Variants in SLCO1B3 observed in about 807,000 individuals in gnomAD.
SLCO1B3 encodes the protein liver-specific organic anion transporter 2.
Under a neutral mutation model 71.8 loss-of-function variants are expected in SLCO1B3, and 72 were observed. The ratio of observed to expected loss-of-function variants is 1.00; its 90% CI spans 0.83 to 1.22. The LOEUF is 1.22. Among genes scored for constraint, SLCO1B3 ranks in the 50% most tolerant of loss-of-function variants. SLCO1B3 has a pLI of 0.00. For synonymous variants in SLCO1B3, 298 were observed against 278.4 expected (o/e 1.07, Z -0.70); for missense variants, 911 against 819.7 (o/e 1.11, Z -1.36).
chr12:20,904,577 G>A (rs757728912), intron 15 of SLCO1B3, among the ~76,000 whole-genome samples: 12 of 151,908 alleles, frequency 7.9e-5, no homozygotes, highest in Non-Finnish European at 1.5e-4. Flanking sequence ...GCTGTTGGTA[G>A]ATCTACCATT....
rs1050997688 is a variant in SLCO1B3 at position 20,862,788 on chromosome 12, G to A, written c.661G>A (p.Val221Ile). The change falls in exon 8 of 16, where the codon GTC becomes ATC. Residue 221 changes from valine to isoleucine, a missense_variant. Transcript: ENST00000381545. ...SLNAIGMIGP[V>I]IGFALGSLFA... ...GAATGCAATAGGAATGATTGGTCCA[G>A]TCATTGGCTTTGCACTGGGATCTCT... 12 of 1,611,622 alleles carry A rather than the reference G, an allele frequency of 7.4e-6. No homozygotes were observed. In the South Asian group the frequency reaches 1.2e-4, roughly 16 times the overall value.
chr12:20,914,612 T>G (rs1349002106), intron 15 of SLCO1B3, among the ~76,000 whole-genome samples: 1 of 152,188 alleles, frequency 6.6e-6, no homozygotes, highest in African/African-American at 2.4e-5. Flanking sequence ...TCTGATATTC[T>G]TCCATCTTTA....
chr12:20,878,918 T>C (rs996286963), intron 10 of SLCO1B3, among the ~76,000 whole-genome samples: 2 of 151,956 alleles, frequency 1.3e-5, no homozygotes, highest in Non-Finnish European at 2.9e-5. Flanking sequence ...CTGGGCAAAA[T>C]TGGAGTGAGT....
chr12:20,812,700 C>T lies in SLCO1B3; in HGVS notation c.-180-824C>T, dbSNP rs139897682. 2.6e-3 allele frequency among the ~76,000 whole-genome samples: 399 copies of T among 152,080 alleles called. 1 individual carries two copies. Among genetic ancestry groups the T allele is most frequent in the African/African-American group, 9.2e-3 (380 of 41,482 alleles). On this transcript the variant is annotated intron_variant, in intron 1 of 15. Transcript: ENST00000381545. The stretch of plus-strand genomic sequence containing the variant: ...TGATTCCAAGAATGGACATGATATG[C>T]ATAGGAAAGAAAGCAAGCTGGAAGA...
intron 3 of SLCO1B3, among the ~76,000 whole-genome samples, chr12:20,837,511 G>A (rs1043804373): frequency 2.6e-5 from 4 of 151,784 alleles, no homozygotes; most frequent in African/African-American, 9.7e-5. Flanking sequence ...TTGATGAATT[G>A]TGTTTTTATT....
chr12:20,870,105 A>G (rs1865450184), intron 8 of SLCO1B3, among the ~76,000 whole-genome samples: 1 of 152,220 alleles, frequency 6.6e-6, no homozygotes, highest in East Asian at 1.9e-4. Context: ...ATATCTTTTC[A>G]TATACCTGTT....
At chr12:20,888,273 A>G in intron 13 of SLCO1B3, among the ~76,000 whole-genome samples, 1 of 151,922 alleles carries the variant, frequency 6.6e-6, no homozygotes, top group East Asian at 1.9e-4. Context: ...TTGAATCTGT[A>G]GATTGTTTTG....
At chr12:20,872,331 A>C (rs1020760783) in intron 8 of SLCO1B3, among the ~76,000 whole-genome samples, 1 of 151,384 alleles carries the variant, frequency 6.6e-6, no homozygotes, top group African/African-American at 2.4e-5. Context: ...GCATTTCTAG[A>C]CTTGCCTCTG....
rs148966129 is a variant in SLCO1B3, at chr12:20,818,876, G to A, written c.84+3054G>A. On this transcript the variant is annotated intron_variant, in intron 3 of 15. Transcript: ENST00000381545. ...TCATGAGGGTCAGGTGTGGTGTCTG[G>A]AATAATGTGGGAGGCTGGATTGAAG... Among the ~76,000 whole-genome samples, 668 of 152,324 alleles carry A rather than the reference G, an allele frequency of 4.4e-3. 1 individual carries two copies. Among genetic ancestry groups the A allele is most frequent in the Non-Finnish European group, 7.1e-3 (483 of 68,042 alleles).
intron 3 of SLCO1B3, among the ~76,000 whole-genome samples, chr12:20,837,706 G>T (rs1055960183): frequency 6.6e-6 from 1 of 151,884 alleles, no homozygotes; most frequent in African/African-American, 2.4e-5. Context: ...AAATAAATTG[G>T]ATAAGATATA....
chr12:20,906,542 A>G (rs1866248969), intron 15 of SLCO1B3, among the ~76,000 whole-genome samples: 1 of 152,200 alleles, frequency 6.6e-6, no homozygotes, highest in Non-Finnish European at 1.5e-5. Context: ...CAAATGTGCT[A>G]TACTAATACA....
At chr12:20,879,332 G>T (rs192140564) in intron 10 of SLCO1B3, 104 bp from the exon 11 acceptor site, 13 of 752,008 alleles carry the variant, frequency 1.7e-5, no homozygotes, top group Non-Finnish European at 2.6e-5. Flanking sequence ...AAAGAAATAA[G>T]AATGGGTGAA....
At chr12:20,827,120 T>G (rs1458529147) in intron 3 of SLCO1B3, among the ~76,000 whole-genome samples, 1 of 149,930 alleles carries the variant, frequency 6.7e-6, no homozygotes, top group Admixed American at 6.6e-5. Flanking sequence ...ATGCATTATT[T>G]TTACAAAAAT....
Position 20,861,096 on chromosome 12 carries a change from A to G in SLCO1B3, c.439A>G (p.Thr147Ala), listed in dbSNP as rs57585902. ...TTTATCAACCTGTTTAATTAATCAA[A>G]CCTTATCATTCAATGGAACATCACC... is the stretch of plus-strand genomic sequence containing the variant. ...SSLSTCLINQ[T>A]LSFNGTSPEI... The change falls in exon 6 of 16, where the codon ACC (threonine) becomes GCC (alanine). Residue 147 changes from threonine to alanine, a missense_variant. Thr to Ala is a moderately conservative substitution (Grantham distance 58). Coordinates refer to ENST00000381545, the MANE Select transcript of SLCO1B3 (RefSeq NM_019844.4). 1.6e-3 allele frequency: 2,609 copies of G among 1,602,552 alleles called. 23 individuals carry two copies. The African/African-American group carries it at 0.031, about 19-fold the overall frequency.
chr12:20,883,375 A>G, intron 12 of SLCO1B3, 43 bp from the exon 13 acceptor site: 1 of 1,180,586 alleles, frequency 8.5e-7, no homozygotes, highest in Non-Finnish European at 1.2e-6. Context: ...GCCCTGTTGT[A>G]TTTGGCAAAT....
At chr12:20,894,180 T>C (rs570712585) in intron 13 of SLCO1B3, among the ~76,000 whole-genome samples, 27 of 152,298 alleles carry the variant, frequency 1.8e-4, no homozygotes, top group South Asian at 4.1e-4. Context: ...AATAGCACAT[T>C]TAACTTCTTA....
rs529071538 is a variant in SLCO1B3, at chr12:20,895,014, C to T, written c.1683-3422C>T. ...AAAGGGAGCTTGTGCAGGAAAAGTA[C>T]GCATTATAAAGCAATCAAACCTCAT... is the stretch of plus-strand genomic sequence containing the variant. On this transcript the variant is annotated intron_variant, in intron 13 of 15. Coordinates refer to ENST00000381545, the MANE Select transcript of SLCO1B3 (RefSeq NM_019844.4). Among the ~76,000 whole-genome samples the T allele has an allele frequency of 2.0e-4, 31 of 152,266 alleles. No individual in the cohort carries two copies. The South Asian group carries it at 3.9e-3, about 19-fold the overall frequency.
At position 20,875,015 on chromosome 12, in the gene SLCO1B3, G is replaced by A. The variant is rs114903924; in HGVS notation, c.728-220G>A. Among the ~76,000 whole-genome samples the A allele has an allele frequency of 6.5e-3, 984 of 152,258 alleles. 6 individuals carry two copies. The highest frequency in any genetic ancestry group is 0.022 in the African/African-American group (898 of 41,540). On this transcript the variant is annotated intron_variant, in intron 8 of 15. Coordinates refer to ENST00000381545, the MANE Select transcript of SLCO1B3 (RefSeq NM_019844.4). ...CACAAGATCAGGCAATGCGAACAGTGTCATGACTGACTCCTGGACAATAGC... is the reference window on the plus strand; with the variant it reads ...CACAAGATCAGGCAATGCGAACAGTATCATGACTGACTCCTGGACAATAGC...
At chr12:20,848,881 C>T (rs897448678) in intron 3 of SLCO1B3, among the ~76,000 whole-genome samples, 1 of 152,002 alleles carries the variant, frequency 6.6e-6, no homozygotes, top group Admixed American at 6.6e-5. Flanking sequence ...GTAAGGGAGA[C>T]TATTCTTTAT....
Sources: gnomAD v4.1 joint callset for allele counts (sites outside exome capture counted in the v4.1 genomes callset) on GRCh38, gnomAD v4.1.1 for gene constraint, MANE v1.5 for transcripts, NCBI Gene and HGNC (gene_info 2026-07-23, HGNC 2026-07-21) for gene names.